The following AP2A2 variants were observed in gnomAD, a reference collection of about 807,000 sequenced individuals.
AP2A2 encodes the protein AP-2 complex subunit alpha-2.
In AP2A2, 32 loss-of-function variants were observed where a neutral mutation model predicts 104.2. The ratio of observed to expected loss-of-function variants is 0.31; its 90% CI spans 0.23 to 0.41. AP2A2 has a LOEUF of 0.41. AP2A2 is among the 10% of genes least tolerant of loss of function. AP2A2 has a pLI of 1.00. For synonymous variants in AP2A2, 539 were observed against 533.3 expected (o/e 1.01, Z -0.15); for missense variants, 912 against 1,261.0 (o/e 0.72, Z 4.19).
chr11:987,301 T>A (rs933840343), intron 9 of AP2A2, among the ~76,000 whole-genome samples: 6 of 152,182 alleles, frequency 3.9e-5, no homozygotes, highest in Non-Finnish European at 8.8e-5. Flanking sequence ...TTTTCCCTTA[T>A]CTCCAAGAAA....
chr11:1,009,652 A>G, intron 20 of AP2A2, 31 bp from the exon 21 acceptor site: 1 of 1,545,016 alleles, frequency 6.5e-7, no homozygotes, highest in Non-Finnish European at 8.8e-7. Flanking sequence ...ACCCCGCGCC[A>G]GGGTCCTCAT....
chr11:972,876 C>G (rs1854881369), intron 4 of AP2A2, among the ~76,000 whole-genome samples: 2 of 152,274 alleles, frequency 1.3e-5, no homozygotes, highest in Admixed American at 1.3e-4. Flanking sequence ...CTCCTCGTGC[C>G]CGTTCCCCAG....
chr11:1,002,156 C>A (rs563047436), intron 15 of AP2A2, among the ~76,000 whole-genome samples: 1 of 152,202 alleles, frequency 6.6e-6, no homozygotes, highest in Admixed American at 6.5e-5. Context: ...ATGGGTGGTC[C>A]GTCAGAGCCC....
intron 18 of AP2A2, 35 bp downstream of exon 18, chr11:1,008,170 G>T: frequency 6.4e-7 from 1 of 1,566,522 alleles, no homozygotes. Flanking sequence ...GCCAAGGGGT[G>T]TGTGGGCGCC....
At position 1,010,494 on chromosome 11, in the gene AP2A2, G is replaced by C. The variant is rs1056086688; in HGVS notation, c.2743-54G>C. The C allele has an allele frequency of 9.2e-5, 134 of 1,455,762 alleles. No homozygotes were observed. In the South Asian group the frequency reaches 1.2e-3, roughly 13 times the overall value. 90.2% of individuals were successfully genotyped at this position (1,455,762 alleles called of 1,614,324 possible). A position where few individuals can be genotyped will look rare whatever the true frequency, so the allele number is the denominator to read the frequency against. On this transcript the variant is annotated intron_variant, in intron 21 of 21. Transcript: ENST00000448903. ...GTTCTGCATGGCGGATCCTGGACCC[G>C]AGGGCTGTGTGAGCCTCGGCGTGCC...
chr11:1,003,406 G>A (rs1856090519), intron 15 of AP2A2, among the ~76,000 whole-genome samples: 1 of 152,270 alleles, frequency 6.6e-6, no homozygotes, highest in African/African-American at 2.4e-5. Context: ...AGCTGTGTGC[G>A]TGCCTCACGC....
Position 993,580 on chromosome 11 carries a change from G to A in AP2A2, c.1551-174G>A, listed in dbSNP as rs1479367623. On this transcript the variant is annotated intron_variant, in intron 12 of 21. Transcript: ENST00000448903. The surrounding 1 kb of genome is among the most constrained non-coding windows in gnomAD (Gnocchi z 8.2). ...TAGAAAATGGAGACGTGGGGTTGAT[G>A]GCTGACTTAGTGAAAGGGGCGTCTT... is the stretch of plus-strand genomic sequence containing the variant. Among the ~76,000 whole-genome samples the A allele has an allele frequency of 6.6e-6, 1 of 152,102 alleles. No homozygotes were observed. The highest frequency in any genetic ancestry group is 1.9e-4 in the East Asian group (1 of 5,168).
chr11:975,765 C>T (rs910631761), intron 4 of AP2A2, among the ~76,000 whole-genome samples: 2 of 150,768 alleles, frequency 1.3e-5, no homozygotes, highest in Non-Finnish European at 3.0e-5. Context: ...GAGCCGACGT[C>T]GGAGAGTGGC....
chr11:984,822 G>C, intron 7 of AP2A2, 69 bp downstream of exon 7: 1 of 1,310,730 alleles, frequency 7.6e-7, no homozygotes, highest in Non-Finnish European at 1.1e-6. Flanking sequence ...AGATTTAAGT[G>C]GTTTGTTTGT....
intron 17 of AP2A2, chr11:1,007,731 C>T (rs1419915349): frequency 1.9e-6 from 1 of 529,584 alleles, no homozygotes; most frequent in Non-Finnish European, 3.4e-6. Flanking sequence ...TGTGTAAGAC[C>T]CAGAGCCGAG....
intron 1 of AP2A2, among the ~76,000 whole-genome samples, chr11:950,133 A>G (rs1853997210): frequency 6.6e-6 from 1 of 152,180 alleles, no homozygotes. Flanking sequence ...GGAAAAGAAT[A>G]GTCTTAAACA....
chr11:1,011,417 TC>T lies in AP2A2; in HGVS notation c.*796del. The T allele has an allele frequency of 2.0e-6, 1 of 508,044 alleles. No individual in the cohort carries two copies. The highest frequency in any genetic ancestry group is 1.4e-5 in the South Asian group (1 of 70,234). 31.5% of individuals were successfully genotyped at this position (508,044 alleles called of 1,614,324 possible). On this transcript the variant is annotated 3_prime_UTR_variant, in exon 22 of 22. Coordinates refer to ENST00000448903, the MANE Select transcript of AP2A2 (RefSeq NM_012305.4). ...CGTCTCTTTCCTGTCAGAGTGGGCG[TC>T]CCCAGGCCACGGTGCAGGCCTGAGT...
Position 959,197 on chromosome 11 carries a change from C to G in AP2A2, c.68-240C>G, listed in dbSNP as rs114239750. 4.9e-3 allele frequency among the ~76,000 whole-genome samples: 749 copies of G among 152,320 alleles called. 6 individuals carry two copies. The highest frequency in any genetic ancestry group is 0.017 in the African/African-American group (694 of 41,578). On this transcript the variant is annotated intron_variant, in intron 1 of 21. Coordinates refer to ENST00000448903, the MANE Select transcript of AP2A2 (RefSeq NM_012305.4). ...CGGCTGGCCCGGGCGGTTCAGGACT[C>G]GCTCCTTTGCTGTCCTGACCCAGGC...
At chr11:950,579 GC>G (rs71464121) in intron 1 of AP2A2, among the ~76,000 whole-genome samples, 6 of 151,966 alleles carry the variant, frequency 3.9e-5, no homozygotes, top group African/African-American at 1.5e-4. Context: ...GAGCCACTGT[GC>G]CCGGTCTGGA....
At chr11:979,319 G>A (rs1377133745) in intron 5 of AP2A2, among the ~76,000 whole-genome samples, 1 of 151,324 alleles carries the variant, frequency 6.6e-6, no homozygotes, top group East Asian at 1.9e-4. Context: ...TTACAGACCT[G>A]CAGTTTCTTA....
chr11:964,271 C>G (rs7105477), intron 2 of AP2A2, among the ~76,000 whole-genome samples: 76,946 of 152,110 alleles, frequency 0.51, 20,120 homozygotes, highest in Middle Eastern at 0.66. Context: ...TACCTTTCAA[C>G]AATGAAGCTA....
intron 4 of AP2A2, among the ~76,000 whole-genome samples, chr11:974,698 A>AAACAAG (rs1564802850): frequency 7.3e-6 from 1 of 137,146 alleles, no homozygotes; most frequent in Non-Finnish European, 1.6e-5. Flanking sequence ...AAAAAAAAAA[A>AAACAAG]AAAGAAAGCT....
At chr11:963,509 A>G (rs976352331) in intron 2 of AP2A2, among the ~76,000 whole-genome samples, 4 of 152,046 alleles carry the variant, frequency 2.6e-5, no homozygotes, top group Admixed American at 2.6e-4. Context: ...CACACTTAAG[A>G]GTGAGTCTCA....
At chr11:962,323 G>A (rs1339982191) in intron 2 of AP2A2, among the ~76,000 whole-genome samples, 1 of 152,264 alleles carries the variant, frequency 6.6e-6, no homozygotes, top group Non-Finnish European at 1.5e-5. Flanking sequence ...TGTGAAAAGA[G>A]TTCATGGCCT....
Sources: gnomAD v4.1 joint callset for allele counts (sites outside exome capture counted in the v4.1 genomes callset) on GRCh38, gnomAD v4.1.1 for gene constraint, Gnocchi (gnomAD v3.1) non-coding constraint, MANE v1.5 for transcripts, NCBI Gene and HGNC (gene_info 2026-07-23, HGNC 2026-07-21) for gene names.